RANBP2: variants seen among roughly 807,000 people sequenced by gnomAD.
The protein encoded by RANBP2 is RAN binding protein 2.
RANBP2 carries 57 observed loss-of-function variants against 303.6 expected under a neutral mutation model. The observed-to-expected ratio is 0.19, with a 90% CI of 0.15 to 0.23. The LOEUF (loss-of-function observed/expected upper bound fraction) is 0.23, where lower values mean the gene tolerates loss of function less well. Ranked by LOEUF, RANBP2 falls within the 10% of genes least tolerant of loss-of-function variation. The pLI, the probability that RANBP2 is intolerant of heterozygous loss-of-function variation, is 1.00. For synonymous variants in RANBP2, 1,167 were observed against 1,301.5 expected (o/e 0.90, Z 2.23); for missense variants, 3,138 against 3,780.8 (o/e 0.83, Z 4.46).
At chr2:109,102,431 CA>C in the RANBP2 span, among the ~76,000 whole-genome samples, 129,216 of 142,576 alleles carry the variant, frequency 0.91, 59,287 homozygotes, top group Non-Finnish European at 0.99. Context: ...AATTCCGCTT[CA>C]AAAAAAAAAA....
Position 108,765,560 on chromosome 2 carries a change from G to A in RANBP2, c.5021G>A (p.Cys1674Tyr), listed in dbSNP as rs570285631. 1 of 1,535,320 alleles carries A rather than the reference G, an allele frequency of 6.5e-7. No homozygotes were observed. The highest frequency in any genetic ancestry group is 1.9e-5 in the African/African-American group (1 of 52,442). ...GAGGGACAGTGGGATTGCAGTGTGTGCTTAGTAAGAAATGAAGCCAGTGCT... is the reference window on the plus strand; with the variant it reads ...GAGGGACAGTGGGATTGCAGTGTGTACTTAGTAAGAAATGAAGCCAGTGCT... ...KKEGQWDCSV[C>Y]LVRNEASATK... The change falls in exon 20 of 29, where the codon TGC becomes TAC. Residue 1674 changes from cysteine (C) to tyrosine (Y), a missense_variant. Cys to Tyr is a radical substitution (Grantham distance 194). Coordinates refer to ENST00000283195, the MANE Select transcript of RANBP2 (RefSeq NM_006267.5).
At chr2:109,396,050 T>A in the RANBP2 span, among the ~76,000 whole-genome samples, 5 of 152,108 alleles carry the variant, frequency 3.3e-5, no homozygotes, top group African/African-American at 7.2e-5. Flanking sequence ...GCAGGTGTGT[T>A]TAGAACGTGC....
chr2:109,529,922 G>A, the RANBP2 span, among the ~76,000 whole-genome samples: 6 of 152,200 alleles, frequency 3.9e-5, no homozygotes, highest in South Asian at 2.1e-4. Context: ...TTTCTAGAAT[G>A]AGTCTCATGT....
the RANBP2 span, among the ~76,000 whole-genome samples, chr2:109,135,561 G>A: frequency 6.6e-6 from 1 of 152,152 alleles, no homozygotes; most frequent in East Asian, 1.9e-4. Flanking sequence ...CTCTTATCAC[G>A]CGTGAGGCAC....
the RANBP2 span, among the ~76,000 whole-genome samples, chr2:109,134,319 G>A: frequency 6.6e-6 from 1 of 152,092 alleles, no homozygotes; most frequent in Non-Finnish European, 1.5e-5. Context: ...GATATAATAA[G>A]GACTCCAGAG....
At chr2:109,404,673 G>A in the RANBP2 span, among the ~76,000 whole-genome samples, 8 of 152,220 alleles carry the variant, frequency 5.3e-5, no homozygotes, top group South Asian at 1.0e-3. Flanking sequence ...CTCTCCCACC[G>A]GGTGCCCCCT....
intron 17 of RANBP2, among the ~76,000 whole-genome samples, 176 bp from the exon 18 acceptor site, chr2:108,758,237 C>T (rs1471733065): frequency 4.1e-5 from 6 of 148,122 alleles, no homozygotes; most frequent in African/African-American, 7.5e-5. Flanking sequence ...GTGGAGGTTG[C>T]GGTGAGCCAA....
the RANBP2 span, among the ~76,000 whole-genome samples, chr2:108,838,601 A>G: frequency 6.6e-6 from 1 of 152,188 alleles, no homozygotes; most frequent in Non-Finnish European, 1.5e-5. Context: ...AAAATGATAT[A>G]CTTTTGAAGC....
chr2:109,023,400 T>C, the RANBP2 span, among the ~76,000 whole-genome samples: 2 of 152,226 alleles, frequency 1.3e-5, no homozygotes, highest in Admixed American at 1.3e-4. Context: ...TGTAGAAAAT[T>C]TGTATGCACA....
chr2:109,498,533 G>T, the RANBP2 span, among the ~76,000 whole-genome samples: 3 of 152,228 alleles, frequency 2.0e-5, no homozygotes, highest in Non-Finnish European at 2.9e-5. Context: ...AACACGTGGG[G>T]TGGGGAAGGG....
chr2:109,249,497 C>CT, the RANBP2 span, among the ~76,000 whole-genome samples: 1 of 32,042 alleles, frequency 3.1e-5, no homozygotes, highest in Non-Finnish European at 5.9e-5. Context: ...TTCTTTCTTT[C>CT]TTTCTTTCTT....
At chr2:109,391,103 C>T in the RANBP2 span, among the ~76,000 whole-genome samples, 1 of 152,224 alleles carries the variant, frequency 6.6e-6, no homozygotes, top group African/African-American at 2.4e-5. Context: ...AAATGAAAAC[C>T]ATTCGCTCCG....
the RANBP2 span, among the ~76,000 whole-genome samples, chr2:109,229,847 C>T: frequency 3.8e-5 from 5 of 133,162 alleles, no homozygotes; most frequent in Non-Finnish European, 4.7e-5. Context: ...TTTTTTGAGG[C>T]GGAGTCTCGC....
the RANBP2 span, among the ~76,000 whole-genome samples, chr2:109,111,539 C>T: frequency 1.3e-5 from 2 of 151,950 alleles, no homozygotes; most frequent in Admixed American, 1.3e-4. Context: ...AGCAGAAGTC[C>T]ATCTCTACAA....
chr2:109,265,756 AT>A, the RANBP2 span, among the ~76,000 whole-genome samples: 3 of 152,234 alleles, frequency 2.0e-5, 1 homozygote, highest in South Asian at 6.2e-4. Flanking sequence ...AAAATGTTTA[AT>A]TTAAAAAAAG....
At chr2:109,132,363 T>G in the RANBP2 span, among the ~76,000 whole-genome samples, 1 of 152,264 alleles carries the variant, frequency 6.6e-6, no homozygotes, top group African/African-American at 2.4e-5. Context: ...AATTTCTGTT[T>G]GGTTTTACTG....
chr2:109,061,353 C>G, the RANBP2 span, among the ~76,000 whole-genome samples: 21 of 152,144 alleles, frequency 1.4e-4, no homozygotes, highest in African/African-American at 5.1e-4. Context: ...CCAAGAGGCT[C>G]ATTCAGCACA....
the RANBP2 span, among the ~76,000 whole-genome samples, chr2:109,694,777 A>G: frequency 6.8e-6 from 1 of 147,300 alleles, no homozygotes; most frequent in East Asian, 2.0e-4. Context: ...GGGATACTCA[A>G]TCTGTATGTA....
At chr2:108,870,401 A>G in the RANBP2 span, among the ~76,000 whole-genome samples, 2 of 152,192 alleles carry the variant, frequency 1.3e-5, no homozygotes, top group East Asian at 1.9e-4. Context: ...GCATTACTGG[A>G]GTCCAGAAGG....
Sources: allele counts gnomAD v4.1 joint callset (sites outside exome capture counted in the v4.1 genomes callset), GRCh38; gene constraint gnomAD v4.1.1; transcripts MANE v1.5; gene names NCBI Gene and HGNC (gene_info 2026-07-23, HGNC 2026-07-21).